The following SLC8A1 variants were observed in gnomAD, a reference collection of about 807,000 sequenced individuals.
The protein encoded by SLC8A1 is sodium/calcium exchanger 1.
SLC8A1 carries 18 observed loss-of-function variants against 68.3 expected under a neutral mutation model. That is an observed-to-expected ratio of 0.26 (90% CI 0.18 to 0.39). SLC8A1 has a LOEUF of 0.39. SLC8A1 is among the 10% of genes least tolerant of loss of function. The pLI, the probability that SLC8A1 is intolerant of heterozygous loss-of-function variation, is 1.00. For synonymous variants in SLC8A1, 475 were observed against 415.5 expected (o/e 1.14, Z -1.74); for missense variants, 985 against 1,156.7 (o/e 0.85, Z 2.15).
chr2:40,415,057 G>A (rs1693386309), intron 2 of SLC8A1, among the ~76,000 whole-genome samples: 1 of 152,124 alleles, frequency 6.6e-6, no homozygotes, highest in Non-Finnish European at 1.5e-5. Flanking sequence ...AGGACTCTGA[G>A]GACTATTCAT....
At chr2:40,474,954 G>A (rs1237808571) in intron 1 of SLC8A1, among the ~76,000 whole-genome samples, 1 of 152,062 alleles carries the variant, frequency 6.6e-6, no homozygotes, top group East Asian at 1.9e-4. Flanking sequence ...ATCATTATTT[G>A]TTTGGAGTCC....
chr2:40,147,959 C>T (rs1191855235), intron 6 of SLC8A1, among the ~76,000 whole-genome samples: 2 of 152,144 alleles, frequency 1.3e-5, no homozygotes, highest in Non-Finnish European at 2.9e-5. Flanking sequence ...ATCTGAGGCT[C>T]ACACCATTTA....
At chr2:40,122,639 A>G (rs1388800799) in intron 7 of SLC8A1, among the ~76,000 whole-genome samples, 5 of 152,086 alleles carry the variant, frequency 3.3e-5, no homozygotes, top group Admixed American at 1.3e-4. Context: ...TGGCTGGAGC[A>G]TTGGTATTTA....
chr2:40,286,626 A>G (rs929245347), intron 2 of SLC8A1, among the ~76,000 whole-genome samples: 5 of 152,164 alleles, frequency 3.3e-5, no homozygotes, highest in Admixed American at 3.3e-4. Context: ...TAAGAAACAA[A>G]GCAAACCCCT....
chr2:40,498,686 G>T (rs1705867344), intron 1 of SLC8A1, among the ~76,000 whole-genome samples: 1 of 152,082 alleles, frequency 6.6e-6, no homozygotes, highest in African/African-American at 2.4e-5. Context: ...GTGATGTGCT[G>T]CAAGGCTCTG....
At chr2:40,234,442 T>C (rs2060094122) in intron 2 of SLC8A1, among the ~76,000 whole-genome samples, 1 of 152,176 alleles carries the variant, frequency 6.6e-6, no homozygotes, top group African/African-American at 2.4e-5. Flanking sequence ...TTTTGGTACA[T>C]TGATTTTGTA....
At chr2:40,305,889 A>G (rs146726892) in intron 2 of SLC8A1, among the ~76,000 whole-genome samples, 1 of 152,358 alleles carries the variant, frequency 6.6e-6, no homozygotes, top group Non-Finnish European at 1.5e-5. Context: ...TTGACATTAT[A>G]TGCACATTCC....
chr2:40,231,803 A>G (rs1254929365), intron 2 of SLC8A1, among the ~76,000 whole-genome samples: 2 of 152,236 alleles, frequency 1.3e-5, no homozygotes, highest in East Asian at 3.9e-4. Flanking sequence ...CATCACCTAT[A>G]TAAGCAACTT....
chr2:40,390,986 A>T (rs1271744187), intron 2 of SLC8A1, among the ~76,000 whole-genome samples: 3 of 152,086 alleles, frequency 2.0e-5, no homozygotes, highest in African/African-American at 7.2e-5. Flanking sequence ...GCAGTTTAAC[A>T]TGCTGTGGAG....
At chr2:40,355,043 G>T (rs1473204763) in intron 2 of SLC8A1, among the ~76,000 whole-genome samples, 1 of 152,092 alleles carries the variant, frequency 6.6e-6, no homozygotes, top group East Asian at 1.9e-4. Flanking sequence ...TCTCAAATAC[G>T]TATGGGAAAT....
intron 2 of SLC8A1, among the ~76,000 whole-genome samples, chr2:40,192,818 G>C (rs937683218): frequency 6.6e-6 from 1 of 152,054 alleles, no homozygotes. Context: ...CTTTCACAAA[G>C]TTAGACTTCC....
intron 7 of SLC8A1, among the ~76,000 whole-genome samples, chr2:40,127,443 T>C (rs919410977): frequency 1.3e-5 from 2 of 152,186 alleles, no homozygotes; most frequent in African/African-American, 4.8e-5. Context: ...GGGTTAGTTT[T>C]GGGGTTCTGA....
chr2:40,210,262 G>A lies in SLC8A1; in HGVS notation c.1809-32407C>T, dbSNP rs114471211. On this transcript the variant is annotated intron_variant, in intron 2 of 7. Coordinates refer to ENST00000406785, the Ensembl canonical transcript of SLC8A1. ...TGATGCTATAAGAGAAGGGTATGAAGAGCTGCAGATGAGTGCCTGAAACAA... is the reference window on the plus strand; with the variant it reads ...TGATGCTATAAGAGAAGGGTATGAAAAGCTGCAGATGAGTGCCTGAAACAA... 6.5e-3 allele frequency among the ~76,000 whole-genome samples: 994 copies of A among 152,288 alleles called. 10 individuals are homozygous for A. Among genetic ancestry groups the A allele is most frequent in the African/African-American group, 0.022 (924 of 41,550 alleles).
intron 2 of SLC8A1, among the ~76,000 whole-genome samples, chr2:40,412,265 T>G (rs992382903): frequency 6.6e-6 from 1 of 152,142 alleles, no homozygotes; most frequent in South Asian, 2.1e-4. Context: ...TTTGGTGAGA[T>G]GGACTGATGG....
chr2:40,158,576 G>A (rs1033316198), intron 6 of SLC8A1, among the ~76,000 whole-genome samples: 1 of 152,148 alleles, frequency 6.6e-6, no homozygotes, highest in Non-Finnish European at 1.5e-5. Flanking sequence ...CTCTAGGCAG[G>A]AGTTAGTTCC....
At chr2:40,388,261 A>G (rs1174547627) in intron 2 of SLC8A1, among the ~76,000 whole-genome samples, 2 of 152,148 alleles carry the variant, frequency 1.3e-5, no homozygotes, top group Non-Finnish European at 2.9e-5. Context: ...TATAGAAACC[A>G]TTTGGAAATG....
chr2:40,263,688 T>C lies in SLC8A1; in HGVS notation c.1809-85833A>G, dbSNP rs1177849395. ...AGAAAGCTGAAACTGGATCCCTTCC[T>C]GACACCTTATACAAAAATTAATTCA... On this transcript the variant is annotated intron_variant, in intron 2 of 7. Transcript: ENST00000406785. Among the ~76,000 whole-genome samples the C allele has an allele frequency of 2.6e-5, 4 of 152,188 alleles. No individual in the cohort carries two copies. The East Asian group carries it at 7.7e-4, about 29-fold the overall frequency.
chr2:40,178,977 T>C (rs892678840), intron 2 of SLC8A1, among the ~76,000 whole-genome samples: 1 of 152,202 alleles, frequency 6.6e-6, no homozygotes, highest in Non-Finnish European at 1.5e-5. Flanking sequence ...TTTATTATAG[T>C]TCCAAATATA....
chr2:40,218,211 T>G (rs1029340807), intron 2 of SLC8A1, among the ~76,000 whole-genome samples: 1 of 152,218 alleles, frequency 6.6e-6, no homozygotes, highest in Non-Finnish European at 1.5e-5. Flanking sequence ...TGCTACCTAT[T>G]AAGGGCACCT....
Sources: gnomAD v4.1 joint callset for allele counts (sites outside exome capture counted in the v4.1 genomes callset) on GRCh38, gnomAD v4.1.1 for gene constraint, MANE v1.5 for transcripts, NCBI Gene and HGNC (gene_info 2026-07-23, HGNC 2026-07-21) for gene names.